NETO1: variants seen among roughly 807,000 people sequenced by gnomAD.
The protein encoded by NETO1 is neuropilin and tolloid like 1.
In NETO1, 26 loss-of-function variants were observed where a neutral mutation model predicts 61.3. The observed-to-expected ratio is 0.42, with a 90% CI of 0.31 to 0.59. NETO1 has a LOEUF of 0.59. Ranked by LOEUF, NETO1 falls within the 20% of genes least tolerant of loss-of-function variation. The probability of loss-of-function intolerance (pLI) is 0.12; values close to 1 mark genes in which losing one functional copy is unlikely to be tolerated. For synonymous variants in NETO1, 225 were observed against 225.8 expected (o/e 1.00, Z 0.03); for missense variants, 531 against 662.8 (o/e 0.80, Z 2.18).
chr18:72,820,756 C>T (rs574165419), intron 4 of NETO1, among the ~76,000 whole-genome samples: 2 of 152,166 alleles, frequency 1.3e-5, no homozygotes, highest in Non-Finnish European at 2.9e-5. Context: ...ACTCCTCCTC[C>T]CTCCTTGCTT....
chr18:72,822,086 G>T (rs1304793127), intron 4 of NETO1, among the ~76,000 whole-genome samples: 2 of 152,198 alleles, frequency 1.3e-5, no homozygotes, highest in East Asian at 3.9e-4. Flanking sequence ...TGGGACTCGA[G>T]ATAACCATGG....
chr18:72,746,061 T>A lies in NETO1; in HGVS notation c.*2118A>T, dbSNP rs1301626883. On this transcript the variant is annotated 3_prime_UTR_variant, in exon 11 of 11. Coordinates refer to ENST00000327305, the MANE Select transcript of NETO1 (RefSeq NM_138966.5). ...GTGAAAATACCTTTTAAGCAGGGAA[T>A]CAGCATTCTGTATATTCAGGAGAAA... 4 of 152,154 alleles carry A rather than the reference T, an allele frequency of 2.6e-5. No homozygotes were observed. Among genetic ancestry groups the A allele is most frequent in the Non-Finnish European group, 5.9e-5 (4 of 68,032 alleles). The allele number at this position is 152,154 out of a possible 1,614,324, so 9.4% of individuals were successfully genotyped here. A position where few individuals can be genotyped will look rare whatever the true frequency, so the allele number is the denominator to read the frequency against.
chr18:72,787,412 A>C (rs2071958579), intron 6 of NETO1, among the ~76,000 whole-genome samples: 1 of 152,040 alleles, frequency 6.6e-6, no homozygotes, highest in Admixed American at 6.6e-5. Context: ...CGGGATGAAA[A>C]ATATTTAAAT....
intron 4 of NETO1, among the ~76,000 whole-genome samples, chr18:72,831,545 T>C (rs2073579674): frequency 6.6e-6 from 1 of 152,250 alleles, no homozygotes; most frequent in Admixed American, 6.5e-5. Flanking sequence ...TTAATTCACC[T>C]GGACATCTTT....
chr18:72,858,766 T>G, intron 4 of NETO1, 60 bp downstream of exon 4: 1 of 1,462,952 alleles, frequency 6.8e-7, no homozygotes, highest in Non-Finnish European at 9.2e-7. Flanking sequence ...CAAGATTTTG[T>G]ACTATGAAGA....
Position 72,778,800 on chromosome 18 carries a change from A to G in NETO1, c.868+4878T>C, listed in dbSNP as rs2145210122. 1.3e-5 allele frequency among the ~76,000 whole-genome samples: 2 copies of G among 152,240 alleles called. 1 individual carries two copies. The highest frequency in any genetic ancestry group is 4.1e-4 in the South Asian group (2 of 4,824). On this transcript the variant is annotated intron_variant, in intron 7 of 10. Transcript: ENST00000327305. The stretch of plus-strand genomic sequence containing the variant: ...TTAATGGTCTTGTTCATGGCAACGT[A>G]AATGTTTTCTAGCACCTCAGAACTC...
At chr18:72,750,735 C>G in intron 8 of NETO1, 115 bp from the exon 9 acceptor site, 1 of 673,262 alleles carries the variant, frequency 1.5e-6, no homozygotes, top group Non-Finnish European at 2.4e-6. Flanking sequence ...AGGCTGAGCA[C>G]AGAATTTTTA....
At chr18:72,773,328 T>G (rs937659299) in intron 7 of NETO1, among the ~76,000 whole-genome samples, 2 of 152,104 alleles carry the variant, frequency 1.3e-5, no homozygotes, top group Non-Finnish European at 2.9e-5. Context: ...TCAAAGTCAA[T>G]CAAGCTTTAA....
intron 4 of NETO1, among the ~76,000 whole-genome samples, chr18:72,810,003 A>G (rs2072811120): frequency 6.6e-6 from 1 of 152,202 alleles, no homozygotes; most frequent in African/African-American, 2.4e-5. Context: ...AGCTAATCTA[A>G]ATATGTATGA....
In NETO1 at chr18:72,773,126, CT is replaced by C. The variant is rs1235642424; in HGVS notation, c.868+10551del. 3.3e-5 allele frequency among the ~76,000 whole-genome samples: 5 copies of C among 151,974 alleles called. No homozygotes were observed. In the East Asian group the frequency reaches 7.8e-4, roughly 24 times the overall value. On this transcript the variant is annotated intron_variant, in intron 7 of 10. Transcript: ENST00000327305. ...GCTATTACAAAACAGGGATTCCCCC[CT>C]CTCCCAGTTCCTAATAACATATTCC...
intron 6 of NETO1, among the ~76,000 whole-genome samples, chr18:72,792,649 T>C (rs377550023): frequency 1.6e-3 from 247 of 151,892 alleles, no homozygotes; most frequent in African/African-American, 5.8e-3. Context: ...AAAAACAATT[T>C]TCCAAATATG....
intron 7 of NETO1, among the ~76,000 whole-genome samples, chr18:72,759,758 TAA>T (rs2145124639): frequency 6.6e-6 from 1 of 152,312 alleles, no homozygotes; most frequent in South Asian, 2.1e-4. Flanking sequence ...CCAATTTACA[TAA>T]GACTTATTCT....
intron 3 of NETO1, 136 bp downstream of exon 3, chr18:72,864,672 T>C (rs1196846497): frequency 2.6e-6 from 3 of 1,135,804 alleles, no homozygotes; most frequent in African/African-American, 3.1e-5. Flanking sequence ...CAGTTATTGA[T>C]TCACTCAAGA....
rs1466926184 is a variant in NETO1, at chr18:72,744,973, T to C, written c.*3206A>G. On this transcript the variant is annotated 3_prime_UTR_variant, in exon 11 of 11. Transcript: ENST00000327305. ...AATGATACAGAAGCTTAAGTGAATATTAAAGTAATGCCAACCGTCTAAGTT... is the reference window on the plus strand; with the variant it reads ...AATGATACAGAAGCTTAAGTGAATACTAAAGTAATGCCAACCGTCTAAGTT... 1 of 152,160 alleles carries C rather than the reference T, an allele frequency of 6.6e-6. No homozygotes were observed. Among genetic ancestry groups the C allele is most frequent in the African/African-American group, 2.4e-5 (1 of 41,442 alleles). The allele number at this position is 152,160 out of a possible 1,614,324, so 9.4% of individuals were successfully genotyped here. A position where few individuals can be genotyped will look rare whatever the true frequency, so the allele number is the denominator to read the frequency against.
At chr18:72,816,933 A>G (rs1052082692) in intron 4 of NETO1, among the ~76,000 whole-genome samples, 1 of 152,174 alleles carries the variant, frequency 6.6e-6, no homozygotes, top group Non-Finnish European at 1.5e-5. Context: ...TGATGAGAAG[A>G]CACTTGTGAG....
chr18:72,775,228 T>G (rs1389789480), intron 7 of NETO1, among the ~76,000 whole-genome samples: 2 of 152,210 alleles, frequency 1.3e-5, no homozygotes. Context: ...CCTTATGCTC[T>G]CCCCTTTACT....
chr18:72,756,162 A>G lies in NETO1; in HGVS notation c.869-15T>C, dbSNP rs766172001. On this transcript the variant is annotated splice_polypyrimidine_tract_variant and intron_variant, in intron 7 of 10. Coordinates refer to ENST00000327305, the MANE Select transcript of NETO1 (RefSeq NM_138966.5). Reference sequence around the variant, plus strand: ...TTCACAAGGAGCTAAAAAGAAGAAGAACAAGACAAAGGAGGAAAGTTATAA... The same window carrying G: ...TTCACAAGGAGCTAAAAAGAAGAAGGACAAGACAAAGGAGGAAAGTTATAA... 5 of 1,345,142 alleles carry G rather than the reference A, an allele frequency of 3.7e-6. No homozygotes were observed. The highest frequency in any genetic ancestry group is 5.3e-6 in the Non-Finnish European group (5 of 937,730). 83.3% of individuals were successfully genotyped at this position (1,345,142 alleles called of 1,614,324 possible). A position where few individuals can be genotyped will look rare whatever the true frequency, so the allele number is the denominator to read the frequency against.
At chr18:72,794,913 T>C (rs1370022757) in intron 4 of NETO1, among the ~76,000 whole-genome samples, 1 of 152,226 alleles carries the variant, frequency 6.6e-6, no homozygotes, top group African/African-American at 2.4e-5. Flanking sequence ...AATTAAGATG[T>C]AAAATCTAGA....
At chr18:72,852,634 C>T (rs1183751628) in intron 4 of NETO1, among the ~76,000 whole-genome samples, 2 of 152,094 alleles carry the variant, frequency 1.3e-5, no homozygotes, top group East Asian at 1.9e-4. Flanking sequence ...CCACTCTCAG[C>T]TTTTCTCCTG....
Sources: allele counts gnomAD v4.1 joint callset (sites outside exome capture counted in the v4.1 genomes callset), GRCh38; gene constraint gnomAD v4.1.1; transcripts MANE v1.5; gene names NCBI Gene and HGNC (gene_info 2026-07-23, HGNC 2026-07-21).